The following NGEF variants were observed in gnomAD, a reference collection of about 807,000 sequenced individuals.
The protein encoded by NGEF is ephexin-1.
Under a neutral mutation model 80.9 loss-of-function variants are expected in NGEF, and 31 were observed. That is an observed-to-expected ratio of 0.38 (90% confidence interval 0.29 to 0.52). The LOEUF (loss-of-function observed/expected upper bound fraction) is 0.52, where lower values mean the gene tolerates loss of function less well. NGEF is among the 20% of genes least tolerant of loss of function. NGEF has a pLI of 0.84. For missense variants in NGEF, 709 were observed against 926.2 expected, an observed-to-expected ratio of 0.77 and a Z score of 3.04; for synonymous variants, 371 against 370.2, an observed-to-expected ratio of 1.00 and a Z score of -0.03.
intron 1 of NGEF, among the ~76,000 whole-genome samples, chr2:232,976,749 C>T (rs1025107570): frequency 3.9e-5 from 6 of 152,232 alleles, no homozygotes; most frequent in South Asian, 2.1e-4. Flanking sequence ...AGCTGGGCCA[C>T]GTGCAGGGGC....
At chr2:232,914,176 GT>G (rs1009216732) in intron 5 of NGEF, among the ~76,000 whole-genome samples, 3 of 152,222 alleles carry the variant, frequency 2.0e-5, no homozygotes, top group African/African-American at 7.2e-5. Flanking sequence ...GAGCTGGGTA[GT>G]TCTGACAGAC....
At chr2:232,973,039 G>A (rs1694226372) in intron 2 of NGEF, among the ~76,000 whole-genome samples, 1 of 152,050 alleles carries the variant, frequency 6.6e-6, no homozygotes, top group Non-Finnish European at 1.5e-5. Flanking sequence ...TTATAGGTGT[G>A]AGCCACTGCA....
intron 5 of NGEF, among the ~76,000 whole-genome samples, chr2:232,918,464 T>G (rs1692859038): frequency 6.6e-6 from 1 of 152,098 alleles, no homozygotes. Flanking sequence ...TGTAACGGAT[T>G]TGTTTGCTGT....
intron 8 of NGEF, 91 bp from the exon 9 acceptor site, chr2:232,888,198 C>A: frequency 1.2e-6 from 1 of 866,392 alleles, no homozygotes; most frequent in Non-Finnish European, 1.8e-6. Flanking sequence ...CCTACTGCAC[C>A]AGTCCAGCCC....
intron 5 of NGEF, among the ~76,000 whole-genome samples, chr2:232,908,998 T>A (rs1692637638): frequency 6.6e-6 from 1 of 152,204 alleles, no homozygotes; most frequent in Admixed American, 6.5e-5. Flanking sequence ...TCGGGTTTTT[T>A]AAGTAGGAAA....
chr2:232,984,697 A>C (rs2106329972), intron 1 of NGEF, among the ~76,000 whole-genome samples: 1 of 152,330 alleles, frequency 6.6e-6, no homozygotes, highest in East Asian at 1.9e-4. Flanking sequence ...AGAAGCCGGG[A>C]GGACTCTGGG....
chr2:232,906,167 T>TGG (rs1438842018), intron 5 of NGEF, among the ~76,000 whole-genome samples: 2 of 55,138 alleles, frequency 3.6e-5, no homozygotes, highest in African/African-American at 1.7e-4. Context: ...GGGAGGGAGG[T>TGG]GGGGGGGTCA....
intron 1 of NGEF, among the ~76,000 whole-genome samples, chr2:233,001,114 G>A (rs1313167047): frequency 1.3e-5 from 2 of 152,184 alleles, no homozygotes; most frequent in African/African-American, 2.4e-5. Context: ...GCTGACCAGA[G>A]CAGGGTGGAG....
At chr2:233,003,614 C>G (rs1269916065) in intron 1 of NGEF, among the ~76,000 whole-genome samples, 1 of 152,184 alleles carries the variant, frequency 6.6e-6, no homozygotes, top group East Asian at 1.9e-4. Flanking sequence ...CCACTGAAGT[C>G]CATGGAGACG....
chr2:232,949,487 T>C (rs1172720951), intron 3 of NGEF, among the ~76,000 whole-genome samples: 1 of 151,988 alleles, frequency 6.6e-6, no homozygotes, highest in Non-Finnish European at 1.5e-5. Flanking sequence ...TCTTTCTTTT[T>C]TTTTTTTGAA....
chr2:232,928,339 C>A (rs1371299629), intron 3 of NGEF, among the ~76,000 whole-genome samples: 1 of 150,754 alleles, frequency 6.6e-6, no homozygotes. Flanking sequence ...CCTTCCTCCC[C>A]CGCGCCGCCG....
Position 232,888,068 on chromosome 2 carries a change from A to G in NGEF, c.1312T>C (p.Cys438Arg), listed in dbSNP as rs774424502. 1.4e-5 allele frequency: 22 copies of G among 1,613,428 alleles called. No homozygotes were observed. The African/African-American group carries it at 2.7e-4, about 20-fold the overall frequency. ...TCCTTGTGAGCATCCAAAGCAGTGC[A>G]CTCCCGCTCAGACCTCTCTTCTACC... ...KRVEERSERE[C>R]TALDAHKELE... Residue 438 changes from cysteine to arginine, a missense_variant, in exon 9 of 15, where the codon TGC (cysteine) becomes CGC (arginine). This residue lies in a region of NGEF where 426 missense variants were observed against 622.9 expected (regional missense o/e 0.68). Coordinates refer to ENST00000264051, the MANE Select transcript of NGEF (RefSeq NM_019850.3).
chr2:232,883,262 C>A, intron 12 of NGEF, 49 bp downstream of exon 12: 1 of 1,539,936 alleles, frequency 6.5e-7, no homozygotes, highest in East Asian at 2.3e-5. Context: ...CGAGGCCACA[C>A]AGAAAGGTGC....
chr2:233,010,597 A>G (rs1399787826), intron 1 of NGEF, among the ~76,000 whole-genome samples: 1 of 151,520 alleles, frequency 6.6e-6, no homozygotes, highest in Non-Finnish European at 1.5e-5. Flanking sequence ...CCTTGTCCAC[A>G]GGCAAAGTGA....
rs753593530 is a variant in NGEF, at chr2:232,891,491, G to A, written c.1143-4C>T. On this transcript the variant is annotated splice_region_variant and splice_polypyrimidine_tract_variant and intron_variant, in intron 7 of 14. Coordinates refer to ENST00000264051, the MANE Select transcript of NGEF (RefSeq NM_019850.3). ...CCGGAAAGCTGCCTTCTCCTGGCTGGGGACACAGACAGGTGGAGTAGGTCT... is the reference window on the plus strand; with the variant it reads ...CCGGAAAGCTGCCTTCTCCTGGCTGAGGACACAGACAGGTGGAGTAGGTCT... 64 of 1,611,892 alleles carry A rather than the reference G, an allele frequency of 4.0e-5. 1 individual carries two copies. Among genetic ancestry groups the A allele is most frequent in the Non-Finnish European group, 4.8e-5 (57 of 1,179,402 alleles).
chr2:232,910,730 G>A (rs1204999056), intron 5 of NGEF, among the ~76,000 whole-genome samples: 4 of 152,206 alleles, frequency 2.6e-5, no homozygotes, highest in Non-Finnish European at 5.9e-5. Flanking sequence ...CAGCACTTGG[G>A]ACTGCCATGA....
chr2:232,881,896 C>T (rs886558154), intron 13 of NGEF, among the ~76,000 whole-genome samples: 22 of 152,302 alleles, frequency 1.4e-4, no homozygotes, highest in Middle Eastern at 3.4e-3. Flanking sequence ...TTAAGCTTTT[C>T]GGACAACTGG....
chr2:232,902,741 C>T (rs1692391008), intron 5 of NGEF, among the ~76,000 whole-genome samples: 1 of 152,198 alleles, frequency 6.6e-6, no homozygotes, highest in South Asian at 2.1e-4. Context: ...TGGCTCACAC[C>T]TGTAATCCCA....
intron 1 of NGEF, among the ~76,000 whole-genome samples, chr2:233,001,154 C>T (rs959102637): frequency 2.0e-5 from 3 of 152,200 alleles, no homozygotes; most frequent in African/African-American, 7.2e-5. Context: ...AACCCAGAGG[C>T]TGGGCTGAAC....
Sources: gnomAD v4.1 joint callset for allele counts (sites outside exome capture counted in the v4.1 genomes callset) on GRCh38, gnomAD v4.1.1 for gene constraint, gnomAD v4.1.1 regional missense constraint, MANE v1.5 for transcripts, NCBI Gene and HGNC (gene_info 2026-07-23, HGNC 2026-07-21) for gene names.